The following SEMA5A variants were observed in gnomAD, a reference collection of about 807,000 sequenced individuals.
SEMA5A encodes semaphorin-5A.
A neutral mutation model predicts 135.5 loss-of-function variants in SEMA5A; 55 were observed. The observed-to-expected ratio is 0.41, with a 90% confidence interval of 0.33 to 0.51. The LOEUF is 0.51. Among genes scored for constraint, SEMA5A ranks in the 20% least tolerant of loss-of-function variants. SEMA5A has a pLI of 0.37. For missense variants in SEMA5A, 1,290 were observed against 1,419.9 expected (o/e 0.91, Z 1.47); for synonymous variants, 580 against 546.5 (o/e 1.06, Z -0.85).
intron 4 of SEMA5A, among the ~76,000 whole-genome samples, chr5:9,319,116 A>G (rs1386406439): frequency 6.6e-6 from 1 of 152,168 alleles, no homozygotes; most frequent in Non-Finnish European, 1.5e-5. Flanking sequence ...AGGCAGGAGG[A>G]TGCTTTGGTC....
At chr5:9,493,562 TG>T (rs1561296564) in intron 1 of SEMA5A, among the ~76,000 whole-genome samples, 1 of 152,108 alleles carries the variant, frequency 6.6e-6, no homozygotes, top group Non-Finnish European at 1.5e-5. Flanking sequence ...CATGGGGCAA[TG>T]GAACTAAGAA....
rs189463343 is a variant in SEMA5A, at chr5:9,058,532, T to C, written c.2519-4275A>G. Among the ~76,000 whole-genome samples, 13 of 152,352 alleles carry C rather than the reference T, an allele frequency of 8.5e-5. No individual in the cohort carries two copies. The East Asian group carries it at 2.3e-3, about 27-fold the overall frequency. On this transcript the variant is annotated intron_variant, in intron 18 of 22. Transcript: ENST00000382496. ...AGCAATTAATTATAGGAAATTATTT[T>C]TGATAAAATGAAATTTATACATGAA... is the stretch of plus-strand genomic sequence containing the variant.
chr5:9,041,004 G>C lies in SEMA5A; in HGVS notation c.*1893C>G, dbSNP rs1219532208. On this transcript the variant is annotated 3_prime_UTR_variant, in exon 23 of 23. Coordinates refer to ENST00000382496, the MANE Select transcript of SEMA5A (RefSeq NM_003966.3). ...ATTTCCCCTACTGAGTATGGACTTT[G>C]AGCATGTGCATATAGACAGAAGACT... is the stretch of plus-strand genomic sequence containing the variant. 6.6e-6 allele frequency: 1 copy of C among 152,180 alleles called. No individual in the cohort carries two copies. The highest frequency in any genetic ancestry group is 2.4e-5 in the African/African-American group (1 of 41,452). 9.4% of individuals were successfully genotyped at this position (152,180 alleles called of 1,614,324 possible).
chr5:9,355,387 C>G (rs2126331499), intron 3 of SEMA5A, among the ~76,000 whole-genome samples: 1 of 152,096 alleles, frequency 6.6e-6, no homozygotes, highest in Middle Eastern at 3.4e-3. Flanking sequence ...GGATAGACCA[C>G]AGTGGTCTAG....
chr5:9,444,839 C>G (rs1247421722), intron 1 of SEMA5A, among the ~76,000 whole-genome samples: 1 of 152,082 alleles, frequency 6.6e-6, no homozygotes, highest in East Asian at 1.9e-4. Flanking sequence ...TGTTCCTTTG[C>G]CTCTTGGTTT....
intron 1 of SEMA5A, among the ~76,000 whole-genome samples, chr5:9,457,751 T>A (rs1335841098): frequency 6.6e-6 from 1 of 152,126 alleles, no homozygotes; most frequent in Non-Finnish European, 1.5e-5. Flanking sequence ...AAGGTTTTTT[T>A]CCTCCAAACA....
At chr5:9,113,293 G>A (rs991903247) in intron 15 of SEMA5A, among the ~76,000 whole-genome samples, 4 of 152,260 alleles carry the variant, frequency 2.6e-5, no homozygotes, top group South Asian at 2.1e-4. Flanking sequence ...TTGAGACCAC[G>A]GAATGGCAGG....
At chr5:9,507,706 A>T (rs375334091) in intron 1 of SEMA5A, among the ~76,000 whole-genome samples, 27 of 152,114 alleles carry the variant, frequency 1.8e-4, no homozygotes, top group Non-Finnish European at 3.2e-4. Context: ...CTTTTCTAGC[A>T]TGAGGTAAAA....
At chr5:9,181,260 A>T (rs1744494008) in intron 11 of SEMA5A, among the ~76,000 whole-genome samples, 1 of 152,168 alleles carries the variant, frequency 6.6e-6, no homozygotes, top group African/African-American at 2.4e-5. Flanking sequence ...CATTGGCAGT[A>T]GTAAATATTT....
intron 3 of SEMA5A, among the ~76,000 whole-genome samples, chr5:9,374,430 A>G (rs1755272607): frequency 6.6e-6 from 1 of 152,198 alleles, no homozygotes. Context: ...CTGCATGGAA[A>G]TCAGGATTTT....
rs147278161 is a variant in SEMA5A at position 9,376,485 on chromosome 5, G to A, written c.124+3338C>T. Among the ~76,000 whole-genome samples, 64 of 152,296 alleles carry A rather than the reference G, an allele frequency of 4.2e-4. No individual in the cohort carries two copies. The East Asian group carries it at 0.012, about 29-fold the overall frequency. ...TTTCAACCACCGTCCTACAGCCCAG[G>A]ATGTGGGCTTAGAGCCCCTCTCCTA... On this transcript the variant is annotated intron_variant, in intron 3 of 22. Transcript: ENST00000382496.
At chr5:9,461,644 C>T (rs887158716) in intron 1 of SEMA5A, among the ~76,000 whole-genome samples, 1 of 152,166 alleles carries the variant, frequency 6.6e-6, no homozygotes, top group Admixed American at 6.5e-5. Context: ...CACTCCAGCA[C>T]ACCTTGCTAC....
At chr5:9,444,792 G>T (rs748369521) in intron 1 of SEMA5A, among the ~76,000 whole-genome samples, 1 of 152,192 alleles carries the variant, frequency 6.6e-6, no homozygotes, top group Non-Finnish European at 1.5e-5. Flanking sequence ...ATGGGATATA[G>T]TGGGCCCATC....
rs192150212 is a variant in SEMA5A at position 9,493,574 on chromosome 5, G to A, written c.-175+52010C>T. ...AGCCATGGGGCAATGGAACTAAGAA[G>A]AGAAAAATCTAATTAGGGCCTGACA... On this transcript the variant is annotated intron_variant, in intron 1 of 22. Transcript: ENST00000382496. Among the ~76,000 whole-genome samples, 1,056 of 152,222 alleles carry A rather than the reference G, an allele frequency of 6.9e-3. 9 individuals are homozygous for A. Among genetic ancestry groups the A allele is most frequent in the African/African-American group, 0.023 (943 of 41,550 alleles).
intron 1 of SEMA5A, among the ~76,000 whole-genome samples, chr5:9,522,079 A>C (rs537067050): frequency 2.0e-5 from 3 of 152,282 alleles, no homozygotes; most frequent in African/African-American, 4.8e-5. Flanking sequence ...GATTGAACTT[A>C]GCAGCCCTTT....
chr5:9,198,962 C>G (rs562085933), intron 9 of SEMA5A, among the ~76,000 whole-genome samples: 1 of 152,134 alleles, frequency 6.6e-6, no homozygotes, highest in Non-Finnish European at 1.5e-5. Context: ...TAATTTCTCA[C>G]TGAGAACCTA....
chr5:9,293,382 C>T (rs1351957403), intron 5 of SEMA5A, among the ~76,000 whole-genome samples: 4 of 151,926 alleles, frequency 2.6e-5, no homozygotes, highest in Non-Finnish European at 5.9e-5. Flanking sequence ...TTTAAGAAGC[C>T]ATCTCCTCAC....
chr5:9,362,047 G>A (rs1325129355), intron 3 of SEMA5A, among the ~76,000 whole-genome samples: 1 of 152,154 alleles, frequency 6.6e-6, no homozygotes, highest in Non-Finnish European at 1.5e-5. Context: ...CCCCAGTTTC[G>A]TCTTCATGAG....
intron 21 of SEMA5A, 67 bp from the exon 22 acceptor site, chr5:9,044,651 T>C: frequency 3.0e-6 from 4 of 1,345,142 alleles, no homozygotes; most frequent in Non-Finnish European, 4.2e-6. Flanking sequence ...CTCAAAGCAC[T>C]AGGATGAAAA....
Sources: allele counts gnomAD v4.1 joint callset (sites outside exome capture counted in the v4.1 genomes callset), GRCh38; gene constraint gnomAD v4.1.1; transcripts MANE v1.5; gene names NCBI Gene and HGNC (gene_info 2026-07-23, HGNC 2026-07-21).